Variants in FBRSL1 observed in about 807,000 individuals in gnomAD.
FBRSL1 encodes fibrosin-1-like protein.
A neutral mutation model predicts 89.6 loss-of-function variants in FBRSL1; 51 were observed. The observed-to-expected ratio is 0.57, with a 90% CI of 0.45 to 0.72. The LOEUF (loss-of-function observed/expected upper bound fraction) is 0.72, where lower values mean the gene tolerates loss of function less well. FBRSL1 is among the 30% of genes least tolerant of loss of function. The pLI, the probability that FBRSL1 is intolerant of heterozygous loss-of-function variation, is 0.00. For missense variants in FBRSL1, 1,618 were observed against 1,451.8 expected (o/e 1.11, Z -1.86); for synonymous variants, 779 against 681.1 (o/e 1.14, Z -2.24).
At chr12:132,556,789 C>T (rs2038705703) in intron 5 of FBRSL1, among the ~76,000 whole-genome samples, 2 of 133,900 alleles carry the variant, frequency 1.5e-5, no homozygotes, top group African/African-American at 6.3e-5. Flanking sequence ...CCTCTCCAGG[C>T]CTTCGTGCTG....
intron 14 of FBRSL1, among the ~76,000 whole-genome samples, chr12:132,576,390 G>A (rs1384261799): frequency 1.3e-5 from 2 of 151,824 alleles, no homozygotes; most frequent in African/African-American, 4.8e-5. Context: ...ACGGGGTTTC[G>A]CCATGTTGGC....
In FBRSL1 at chr12:132,574,323, C is replaced by T; in HGVS notation, c.1604C>T (p.Ser535Phe). 6.5e-7 allele frequency: 1 copy of T among 1,546,032 alleles called. No homozygotes were observed. Among genetic ancestry groups the T allele is most frequent in the East Asian group, 2.4e-5 (1 of 40,854 alleles). Residue 535 changes from serine to phenylalanine, a missense_variant, in exon 13 of 19, where the codon TCT becomes TTT. Physicochemically the swap from Ser to Phe is radical, Grantham distance 155. Transcript: ENST00000680143. ...HTLLQKAPGV[S>F]DPYRAVVKKP... ...ACTCCTTTCCTGTCTCCACAGGTGT[C>T]TGACCCGTACCGGGCGGTGGTCAAG...
At chr12:132,581,853 C>T (rs2138154947) in intron 17 of FBRSL1, 29 bp downstream of exon 17, 1 of 1,506,712 alleles carries the variant, frequency 6.6e-7, no homozygotes, top group Non-Finnish European at 8.9e-7. Flanking sequence ...GCCCCCCTCC[C>T]CCGATGCCCG....
chr12:132,537,582 G>A (rs1040588505), intron 4 of FBRSL1, among the ~76,000 whole-genome samples: 1 of 152,228 alleles, frequency 6.6e-6, no homozygotes, highest in Admixed American at 6.5e-5. Flanking sequence ...TGCTAAGCAG[G>A]TGTCTAATTC....
chr12:132,523,468 G>A (rs1593334296), intron 2 of FBRSL1, among the ~76,000 whole-genome samples: 2 of 151,986 alleles, frequency 1.3e-5, no homozygotes, highest in Admixed American at 1.3e-4. Flanking sequence ...GGGGTGACGC[G>A]TTCCATCTGC....
Position 132,534,130 on chromosome 12 carries a change from G to A in FBRSL1, c.615+6142G>A, listed in dbSNP as rs143826296. Among the ~76,000 whole-genome samples, 8 of 152,312 alleles carry A rather than the reference G, an allele frequency of 5.3e-5. No individual in the cohort carries two copies. In the South Asian group the frequency reaches 1.0e-3, roughly 20 times the overall value. On this transcript the variant is annotated intron_variant, in intron 4 of 18. Coordinates refer to ENST00000680143, the MANE Select transcript of FBRSL1 (RefSeq NM_001367871.1). ...CAGGGTCCAGGCCAGGTTTGTTCCAGCAGCCCAAGCACCACCACTCAGCCC... is the reference window on the plus strand; with the variant it reads ...CAGGGTCCAGGCCAGGTTTGTTCCAACAGCCCAAGCACCACCACTCAGCCC...
intron 1 of FBRSL1, chr12:132,507,345 T>C: frequency 2.0e-6 from 2 of 985,446 alleles, no homozygotes; most frequent in Non-Finnish European, 2.4e-6. Context: ...GCCGTATCTG[T>C]CTGCACCAGC....
intron 4 of FBRSL1, among the ~76,000 whole-genome samples, chr12:132,545,137 C>T (rs769675978): frequency 7.2e-5 from 11 of 152,220 alleles, no homozygotes; most frequent in Non-Finnish European, 1.2e-4. Flanking sequence ...CGGGCGTCTT[C>T]TTTGGAGCCT....
chr12:132,549,191 C>T (rs6560883), intron 5 of FBRSL1, among the ~76,000 whole-genome samples: 3,821 of 152,302 alleles, frequency 0.025, 161 homozygotes, highest in African/African-American at 0.086. Context: ...CTGGGGCAGG[C>T]GCCGTGTGGG....
intron 16 of FBRSL1, 40 bp from the exon 17 acceptor site, chr12:132,581,701 A>G: frequency 1.3e-6 from 2 of 1,542,510 alleles, no homozygotes; most frequent in Non-Finnish European, 1.8e-6. Flanking sequence ...GCCGCAGCCC[A>G]CGCCTCACAG....
Position 132,566,765 on chromosome 12 carries a change from C to T in FBRSL1, c.646-716C>T, listed in dbSNP as rs764692693. Among the ~76,000 whole-genome samples, 6 of 151,894 alleles carry T rather than the reference C, an allele frequency of 4.0e-5. No homozygotes were observed. The East Asian group carries it at 5.8e-4, about 15-fold the overall frequency. On this transcript the variant is annotated intron_variant, in intron 5 of 18. Coordinates refer to ENST00000680143, the MANE Select transcript of FBRSL1 (RefSeq NM_001367871.1). ...TGTGGCTGCTGGGAGCTTGGCCGGC[C>T]GCAGGCACATAGCGCGGTGTCCTGT...
chr12:132,581,760 C>G lies in FBRSL1; in HGVS notation c.1932C>G (p.Ser644Arg). The G allele has an allele frequency of 6.5e-7, 1 of 1,550,112 alleles. No individual in the cohort carries two copies. The highest frequency in any genetic ancestry group is 8.7e-7 in the Non-Finnish European group (1 of 1,146,816). ...CCACAGACCCTTTCAGCAGACCGAG[C>G]ACCTTTGGGGGCCTGGGCAGCCTGA... ...GPLTDPFSRPSTFGGLGSLSS... is the reference protein window; with the variant it reads ...GPLTDPFSRPRTFGGLGSLSS... The change falls in exon 17 of 19, where the codon AGC (serine) becomes AGG (arginine). Residue 644 changes from serine (S) to arginine (R), a missense_variant. By Grantham distance (110) the Ser-to-Arg change is moderately radical (BLOSUM62 -1). Coordinates refer to ENST00000680143, the MANE Select transcript of FBRSL1 (RefSeq NM_001367871.1).
At chr12:132,531,807 G>A (rs2036313520) in intron 4 of FBRSL1, among the ~76,000 whole-genome samples, 1 of 152,232 alleles carries the variant, frequency 6.6e-6, no homozygotes, top group Non-Finnish European at 1.5e-5. Context: ...GTTGCTGAGT[G>A]GCACAGGCAT....
At chr12:132,533,537 T>A (rs1593376551) in intron 4 of FBRSL1, among the ~76,000 whole-genome samples, 1 of 152,278 alleles carries the variant, frequency 6.6e-6, no homozygotes, top group East Asian at 1.9e-4. Context: ...GGCTGGCTGC[T>A]GTGTGGGTAC....
At chr12:132,494,489 C>T (rs926640805) in intron 1 of FBRSL1, among the ~76,000 whole-genome samples, 1 of 152,234 alleles carries the variant, frequency 6.6e-6, no homozygotes, top group African/African-American at 2.4e-5. Context: ...CAGTGGGCTG[C>T]ACCGCCCACT....
chr12:132,543,240 C>T (rs12312238), intron 4 of FBRSL1, among the ~76,000 whole-genome samples: 41,016 of 152,268 alleles, frequency 0.27, 5,859 homozygotes, highest in East Asian at 0.41. Context: ...TCAGAAGCCC[C>T]ATGAAGGTGC....
intron 1 of FBRSL1, among the ~76,000 whole-genome samples, chr12:132,495,864 C>G (rs534386246): frequency 1.3e-5 from 2 of 152,360 alleles, no homozygotes; most frequent in East Asian, 3.9e-4. Flanking sequence ...GCAGGGCTTG[C>G]ACCTGGCCTG....
At chr12:132,527,674 G>C in intron 3 of FBRSL1, among the ~76,000 whole-genome samples, 1 of 148,128 alleles carries the variant, frequency 6.8e-6, no homozygotes, top group South Asian at 2.2e-4. Flanking sequence ...TGGGCTGCGG[G>C]GCTGTGGGGC....
At chr12:132,562,363 C>A (rs1459090445) in intron 5 of FBRSL1, among the ~76,000 whole-genome samples, 2 of 152,106 alleles carry the variant, frequency 1.3e-5, no homozygotes, top group Non-Finnish European at 2.9e-5. Flanking sequence ...TCATCGGGGC[C>A]CTGGACTGGG....
Sources: allele counts gnomAD v4.1 joint callset (sites outside exome capture counted in the v4.1 genomes callset), GRCh38; gene constraint gnomAD v4.1.1; transcripts MANE v1.5; gene names NCBI Gene and HGNC (gene_info 2026-07-23, HGNC 2026-07-21).